The following CDH4 variants were observed in gnomAD, a reference collection of about 807,000 sequenced individuals.
The protein encoded by CDH4 is cadherin 4.
In CDH4, 33 loss-of-function variants were observed where a neutral mutation model predicts 86.0. The observed-to-expected ratio is 0.38, with a 90% CI of 0.29 to 0.51. The LOEUF (loss-of-function observed/expected upper bound fraction) is 0.51. Ranked by LOEUF, CDH4 falls within the 20% of genes least tolerant of loss-of-function variation. The pLI, the probability that CDH4 is intolerant of heterozygous loss-of-function variation, is 0.86. For synonymous variants in CDH4, 555 were observed against 549.4 expected (o/e 1.01, Z -0.14); for missense variants, 1,114 against 1,307.4 (o/e 0.85, Z 2.28).
intron 2 of CDH4, among the ~76,000 whole-genome samples, chr20:61,273,837 T>C (rs1234239361): frequency 7.0e-6 from 1 of 143,304 alleles, no homozygotes; most frequent in African/African-American, 2.6e-5. Context: ...CTATGTGCAG[T>C]TTGGGGGAGT....
chr20:61,272,648 G>C (rs2084189274), intron 2 of CDH4, among the ~76,000 whole-genome samples: 1 of 152,146 alleles, frequency 6.6e-6, no homozygotes, highest in Admixed American at 6.6e-5. Context: ...GGGATACCAT[G>C]GGCAGTTTGA....
At chr20:61,520,264 C>T (rs2085858948) in intron 2 of CDH4, among the ~76,000 whole-genome samples, 1 of 152,190 alleles carries the variant, frequency 6.6e-6, no homozygotes, top group South Asian at 2.1e-4. Context: ...GGACTGTCTG[C>T]AGAGCCCAGC....
chr20:61,615,962 G>A (rs1357249870), intron 2 of CDH4, among the ~76,000 whole-genome samples: 1 of 152,230 alleles, frequency 6.6e-6, no homozygotes, highest in Non-Finnish European at 1.5e-5. Context: ...CAAGAGAGCA[G>A]AGCGGGCCCC....
intron 2 of CDH4, among the ~76,000 whole-genome samples, chr20:61,636,322 G>A (rs1290405518): frequency 6.6e-6 from 1 of 152,234 alleles, no homozygotes; most frequent in African/African-American, 2.4e-5. Context: ...GCAGAAAGTG[G>A]CTCCTATTTA....
intron 2 of CDH4, among the ~76,000 whole-genome samples, chr20:61,583,402 C>T (rs2086446685): frequency 6.6e-6 from 1 of 151,944 alleles, no homozygotes; most frequent in Admixed American, 6.6e-5. Context: ...TGTCCCTGTG[C>T]AGAGAGCAGT....
chr20:61,923,606 C>A lies in CDH4; in HGVS notation c.1530C>A (p.Asn510Lys). The A allele has an allele frequency of 1.2e-6, 2 of 1,614,176 alleles. No homozygotes were observed. Among genetic ancestry groups the A allele is most frequent in the Non-Finnish European group, 1.7e-6 (2 of 1,180,020 alleles). Residue 510 changes from asparagine to lysine, a missense_variant, in exon 10 of 16, where the codon AAC (asparagine) becomes AAA (lysine). Around this residue, in one of 3 missense-constraint regions of CDH4, gnomAD observed 705 missense variants for 914.1 expected, o/e 0.77. Coordinates refer to ENST00000614565, the MANE Select transcript of CDH4 (RefSeq NM_001794.5). ...DINEAPYFPSNHKLIRLEEGV... is the reference protein window; with the variant it reads ...DINEAPYFPSKHKLIRLEEGV... ...ACGAGGCTCCCTACTTCCCCTCAAA[C>A]CACAAGCTGATCCGCCTGGAGGAGG...
At chr20:61,711,236 G>C (rs1485216335) in intron 2 of CDH4, among the ~76,000 whole-genome samples, 2 of 152,192 alleles carry the variant, frequency 1.3e-5, no homozygotes, top group African/African-American at 4.8e-5. Flanking sequence ...TTGTGAAGGA[G>C]GATGTGTTTG....
intron 3 of CDH4, among the ~76,000 whole-genome samples, chr20:61,763,076 C>T (rs191128765): frequency 5.9e-5 from 9 of 152,336 alleles, no homozygotes; most frequent in South Asian, 2.1e-4. Context: ...AGGACCTGGC[C>T]GCTGGGCGGG....
chr20:61,772,299 T>C (rs2088784170), intron 3 of CDH4, among the ~76,000 whole-genome samples: 1 of 152,144 alleles, frequency 6.6e-6, no homozygotes, highest in South Asian at 2.1e-4. Context: ...CCCATCAGCC[T>C]CCACCCACTG....
chr20:61,279,243 G>C (rs1328482858), intron 2 of CDH4, among the ~76,000 whole-genome samples: 1 of 152,196 alleles, frequency 6.6e-6, no homozygotes, highest in Admixed American at 6.5e-5. Flanking sequence ...CACTCATGCT[G>C]TCTACCTGGC....
chr20:61,708,774 A>T lies in CDH4; in HGVS notation c.170-34789A>T, dbSNP rs2087859889. Among the ~76,000 whole-genome samples the T allele has an allele frequency of 1.3e-5, 2 of 152,218 alleles. No homozygotes were observed. Among genetic ancestry groups the T allele is most frequent in the South Asian group, 4.1e-4 (2 of 4,828 alleles). On this transcript the variant is annotated intron_variant, in intron 2 of 15. Transcript: ENST00000614565. This position sits in a 1 kb window ranked among gnomAD's most constrained non-coding sequence, Gnocchi z 4.5. Reference sequence around the variant, plus strand: ...GAGGCCCCTTCTCTGAGTGTGCATCATGGACGGGCATCTCCTCTGCAGGCT... The same window carrying T: ...GAGGCCCCTTCTCTGAGTGTGCATCTTGGACGGGCATCTCCTCTGCAGGCT...
intron 2 of CDH4, among the ~76,000 whole-genome samples, chr20:61,654,189 A>C (rs1026140616): frequency 6.6e-6 from 1 of 152,202 alleles, no homozygotes; most frequent in African/African-American, 2.4e-5. Flanking sequence ...TCGGGAGGCC[A>C]AGGCTGGCAG....
chr20:61,264,954 C>T (rs1448941989), intron 2 of CDH4, among the ~76,000 whole-genome samples: 3 of 145,302 alleles, frequency 2.1e-5, no homozygotes, highest in African/African-American at 5.2e-5. Context: ...CTACACATAC[C>T]CCAGTGGCTC....
At chr20:61,669,741 C>G (rs1279384733) in intron 2 of CDH4, among the ~76,000 whole-genome samples, 2 of 152,194 alleles carry the variant, frequency 1.3e-5, no homozygotes, top group Non-Finnish European at 2.9e-5. Context: ...TCAATCTTCC[C>G]GTACCCTCCG....
intron 2 of CDH4, among the ~76,000 whole-genome samples, chr20:61,662,464 C>T (rs891841029): frequency 1.3e-5 from 2 of 152,202 alleles, no homozygotes; most frequent in Admixed American, 6.5e-5. Context: ...AGGACGAGGG[C>T]GGCTGCCCAA....
rs2084066752 is a variant in CDH4 at position 61,252,497 on chromosome 20, G to GGCGGGCGGCGGGGAAGATGACC, written c.-9_13dup. The GGCGGGCGGCGGGGAAGATGACC allele has an allele frequency of 1.7e-6, 2 of 1,165,662 alleles. No individual in the cohort carries two copies. The highest frequency in any genetic ancestry group is 2.1e-6 in the Non-Finnish European group (2 of 946,398). 72.2% of individuals were successfully genotyped at this position (1,165,662 alleles called of 1,614,324 possible). ...AGCGGGCTCCCGGTGCCGGGCACCG[G>GGCGGGCGGCGGGGAAGATGACC]GCGGGCGGCGGGGAAGATGACCGCG... On this transcript the variant is annotated 5_prime_UTR_variant, in exon 1 of 16. It adds an upstream start codon to the 5' untranslated region. Transcript: ENST00000614565. This position sits in a 1 kb window ranked among gnomAD's most constrained non-coding sequence, Gnocchi z 4.4.
chr20:61,650,934 C>T (rs956146114), intron 2 of CDH4, among the ~76,000 whole-genome samples: 88 of 152,222 alleles, frequency 5.8e-4, no homozygotes, highest in African/African-American at 2.1e-3. Context: ...TATTTATTTC[C>T]ACCCAGGGCT....
In CDH4 at chr20:61,533,575, C is replaced by G. The variant is rs538658918; in HGVS notation, c.170-209988C>G. 3.3e-5 allele frequency among the ~76,000 whole-genome samples: 5 copies of G among 152,360 alleles called. No individual in the cohort carries two copies. In the South Asian group the frequency reaches 1.0e-3, roughly 32 times the overall value. On this transcript the variant is annotated intron_variant, in intron 2 of 15. Coordinates refer to ENST00000614565, the MANE Select transcript of CDH4 (RefSeq NM_001794.5). ...GGCTGCTGGAGGTAGGAGCACTGTC[C>G]CTGCCTTCCTCTGCCCATGAGGGGC...
chr20:61,803,600 G>C (rs1057288379), intron 4 of CDH4, among the ~76,000 whole-genome samples: 1 of 152,244 alleles, frequency 6.6e-6, no homozygotes, highest in Non-Finnish European at 1.5e-5. Context: ...CCGCAGGCCT[G>C]GTGGCCTGGA....
Sources: gnomAD v4.1 joint callset for allele counts (sites outside exome capture counted in the v4.1 genomes callset) on GRCh38, gnomAD v4.1.1 for gene constraint, gnomAD v4.1.1 regional missense constraint, Gnocchi (gnomAD v3.1) non-coding constraint, MANE v1.5 for transcripts, NCBI Gene and HGNC (gene_info 2026-07-23, HGNC 2026-07-21) for gene names.